The following CNTNAP2 variants were observed in gnomAD, a reference collection of about 807,000 sequenced individuals.
CNTNAP2 encodes the protein contactin-associated protein-like 2.
In CNTNAP2, 98 loss-of-function variants were observed where a neutral mutation model predicts 155.2. The observed-to-expected ratio is 0.63, with a 90% confidence interval of 0.54 to 0.75. CNTNAP2 has a LOEUF of 0.75. Ranked by LOEUF, CNTNAP2 falls within the 30% of genes least tolerant of loss-of-function variation. The pLI is 0.00. For missense variants in CNTNAP2, 1,727 were observed against 1,688.1 expected, an observed-to-expected ratio of 1.02 and a Z score of -0.40; for synonymous variants, 651 against 631.2, an observed-to-expected ratio of 1.03 and a Z score of -0.47.
chr7:147,949,813 C>A (rs1166515286), intron 14 of CNTNAP2, among the ~76,000 whole-genome samples: 1 of 151,926 alleles, frequency 6.6e-6, no homozygotes, highest in African/African-American at 2.4e-5. Context: ...TAAGAAGCTT[C>A]GAGGAGAATG....
chr7:146,165,760 C>A (rs35052874), intron 1 of CNTNAP2, among the ~76,000 whole-genome samples: 28 of 152,034 alleles, frequency 1.8e-4, no homozygotes, highest in Non-Finnish European at 3.7e-4. Context: ...CAGCATAAAA[C>A]AAAAGTTAGC....
intron 10 of CNTNAP2, among the ~76,000 whole-genome samples, chr7:147,419,845 A>G (rs1168200413): frequency 1.3e-5 from 2 of 152,204 alleles, no homozygotes; most frequent in African/African-American, 2.4e-5. Flanking sequence ...GTTCTAGAAT[A>G]GTTATAGATT....
At chr7:146,476,390 C>T (rs1489932179) in intron 1 of CNTNAP2, among the ~76,000 whole-genome samples, 1 of 152,168 alleles carries the variant, frequency 6.6e-6, no homozygotes, top group African/African-American at 2.4e-5. Context: ...TTTGAAGATA[C>T]TGCAGAATTC....
At chr7:146,695,952 C>G (rs182627819) in intron 1 of CNTNAP2, among the ~76,000 whole-genome samples, 2 of 152,128 alleles carry the variant, frequency 1.3e-5, no homozygotes, top group East Asian at 3.9e-4. Flanking sequence ...CTAAAATTGT[C>G]TTGAAGATTT....
intron 1 of CNTNAP2, among the ~76,000 whole-genome samples, chr7:146,341,248 C>G (rs1490193605): frequency 6.6e-6 from 1 of 152,102 alleles, no homozygotes; most frequent in Non-Finnish European, 1.5e-5. Context: ...TAATTTGAAT[C>G]ATATTCAGAA....
At chr7:148,315,443 G>A (rs1056075142) in intron 21 of CNTNAP2, among the ~76,000 whole-genome samples, 2 of 152,166 alleles carry the variant, frequency 1.3e-5, no homozygotes, top group African/African-American at 4.8e-5. Flanking sequence ...TTTGAGCCAG[G>A]ATGAGCCAGG....
At chr7:146,970,698 A>G (rs572072508) in intron 3 of CNTNAP2, among the ~76,000 whole-genome samples, 11 of 152,328 alleles carry the variant, frequency 7.2e-5, no homozygotes, top group Admixed American at 2.0e-4. Flanking sequence ...TGACCCAGCC[A>G]TCCTATTACT....
intron 17 of CNTNAP2, among the ~76,000 whole-genome samples, chr7:148,162,164 G>A (rs555119904): frequency 6.6e-6 from 1 of 152,190 alleles, no homozygotes; most frequent in Non-Finnish European, 1.5e-5. Flanking sequence ...AAGCAGGAGA[G>A]GGGGAGGGGG....
Position 146,879,660 on chromosome 7 carries a change from G to T in CNTNAP2, c.402+39756G>T, listed in dbSNP as rs1795499698. On this transcript the variant is annotated intron_variant, in intron 3 of 23. Coordinates refer to ENST00000361727, the MANE Select transcript of CNTNAP2 (RefSeq NM_014141.6). The stretch of plus-strand genomic sequence containing the variant: ...GACAAATGCCTGGGTCCAGAACCTG[G>T]CAGGGACTGTGGAGCTGAGAGCCTT... Among the ~76,000 whole-genome samples, 3 of 152,028 alleles carry T rather than the reference G, an allele frequency of 2.0e-5. No homozygotes were observed. The South Asian group carries it at 6.2e-4, about 32-fold the overall frequency.
chr7:146,639,091 T>C (rs1456007116), intron 1 of CNTNAP2, among the ~76,000 whole-genome samples: 1 of 152,238 alleles, frequency 6.6e-6, no homozygotes, highest in Non-Finnish European at 1.5e-5. Context: ...TGAAGCATAG[T>C]TGACTGAAAC....
chr7:147,106,683 A>G (rs1002622983), intron 4 of CNTNAP2, among the ~76,000 whole-genome samples: 3 of 152,206 alleles, frequency 2.0e-5, no homozygotes, highest in Non-Finnish European at 4.4e-5. Context: ...AAAGCCATCA[A>G]TGATTTGAAA....
chr7:146,894,058 C>G (rs937142000), intron 3 of CNTNAP2, among the ~76,000 whole-genome samples: 2 of 152,170 alleles, frequency 1.3e-5, no homozygotes, highest in African/African-American at 4.8e-5. Flanking sequence ...ACTGGTTGCT[C>G]ACTGCAGAGG....
Position 146,635,806 on chromosome 7 carries a change from T to TAA in CNTNAP2, c.98-138455_98-138454dup, listed in dbSNP as rs5888216. 3.6e-3 allele frequency among the ~76,000 whole-genome samples: 532 copies of TAA among 146,908 alleles called. 1 individual carries two copies. Among genetic ancestry groups the TAA allele is most frequent in the Middle Eastern group, 7.1e-3 (2 of 282 alleles). ...TCATCCAGGTGCCAGGACTCATCTC[T>TAA]AAAAAAAAAAACAGTTGAGAAAATA... is the stretch of plus-strand genomic sequence containing the variant. On this transcript the variant is annotated intron_variant, in intron 1 of 23. Transcript: ENST00000361727.
At chr7:147,249,574 G>T (rs1249347847) in intron 8 of CNTNAP2, among the ~76,000 whole-genome samples, 2 of 92,756 alleles carry the variant, frequency 2.2e-5, no homozygotes, top group Non-Finnish European at 4.3e-5. Flanking sequence ...AACATAAATT[G>T]TCTCCTATAA....
At chr7:146,931,492 C>T (rs1302872443) in intron 3 of CNTNAP2, among the ~76,000 whole-genome samples, 3 of 149,594 alleles carry the variant, frequency 2.0e-5, no homozygotes, top group South Asian at 2.1e-4. Context: ...CAGAAAAGAT[C>T]CAAAACTGAC....
chr7:146,398,383 A>T lies in CNTNAP2; in HGVS notation c.97+281410A>T, dbSNP rs113121956. The stretch of plus-strand genomic sequence containing the variant: ...AAGAAGAAGAATGAGAGCAGAGCGA[A>T]GGGGGAAGCCCCTTATAAAACCATC... On this transcript the variant is annotated intron_variant, in intron 1 of 23. Coordinates refer to ENST00000361727, the MANE Select transcript of CNTNAP2 (RefSeq NM_014141.6). 7.1e-3 allele frequency among the ~76,000 whole-genome samples: 1,085 copies of T among 152,070 alleles called. 13 individuals are homozygous for T. Among genetic ancestry groups the T allele is most frequent in the African/African-American group, 0.025 (1,029 of 41,468 alleles).
chr7:147,027,557 A>C (rs1798946771), intron 3 of CNTNAP2, among the ~76,000 whole-genome samples: 1 of 152,230 alleles, frequency 6.6e-6, no homozygotes, highest in South Asian at 2.1e-4. Context: ...GCAACGTATG[A>C]ACAAAAGGCA....
At chr7:147,546,323 AAAAG>A (rs1239624950) in intron 11 of CNTNAP2, among the ~76,000 whole-genome samples, 3 of 152,314 alleles carry the variant, frequency 2.0e-5, no homozygotes, top group South Asian at 4.1e-4. Context: ...CAGCAGGAAA[AAAAG>A]AAAATGGAAC....
intron 12 of CNTNAP2, among the ~76,000 whole-genome samples, chr7:147,570,443 T>C (rs1800266364): frequency 1.3e-5 from 2 of 152,256 alleles, no homozygotes; most frequent in Non-Finnish European, 2.9e-5. Flanking sequence ...AATGCTCTTA[T>C]AATTGTAACA....
Sources: gnomAD v4.1 joint callset for allele counts (sites outside exome capture counted in the v4.1 genomes callset) on GRCh38, gnomAD v4.1.1 for gene constraint, MANE v1.5 for transcripts, NCBI Gene and HGNC (gene_info 2026-07-23, HGNC 2026-07-21) for gene names.